The following DOCK3 variants were observed in gnomAD, a reference collection of about 807,000 sequenced individuals.
DOCK3 encodes the protein dedicator of cytokinesis 3, also known as dedicator of cytokinesis protein 3.
DOCK3 carries 60 observed loss-of-function variants against 265.6 expected under a neutral mutation model. That is an observed-to-expected ratio of 0.23 (90% confidence interval 0.18 to 0.28). The LOEUF is 0.28. DOCK3 is among the 10% of genes least tolerant of loss of function. DOCK3 has a pLI of 1.00. For synonymous variants in DOCK3, 881 were observed against 938.0 expected, an observed-to-expected ratio of 0.94 and a Z score of 1.11; for missense variants, 1,981 against 2,594.3, an observed-to-expected ratio of 0.76 and a Z score of 5.14.
At chr3:50,687,654 A>G (rs1412699575) in intron 1 of DOCK3, among the ~76,000 whole-genome samples, 1 of 152,240 alleles carries the variant, frequency 6.6e-6, no homozygotes, top group Non-Finnish European at 1.5e-5. Flanking sequence ...TGTTAAGTTC[A>G]GGCGACATTT....
chr3:50,891,248 C>G (rs2048626544), intron 4 of DOCK3, among the ~76,000 whole-genome samples: 1 of 152,066 alleles, frequency 6.6e-6, no homozygotes, highest in South Asian at 2.1e-4. Flanking sequence ...ATTGCAGCCT[C>G]ATGATTAGTC....
intron 36 of DOCK3, 86 bp from the exon 37 acceptor site, chr3:51,338,849 G>A: frequency 8.5e-7 from 1 of 1,175,356 alleles, no homozygotes; most frequent in Non-Finnish European, 1.2e-6. Flanking sequence ...CTCCTGCCCA[G>A]CACACCCACG....
At chr3:50,917,698 AT>A (rs932689339) in intron 4 of DOCK3, among the ~76,000 whole-genome samples, 26 of 149,016 alleles carry the variant, frequency 1.7e-4, no homozygotes, top group African/African-American at 5.5e-4. Flanking sequence ...TATCTCATTA[AT>A]TTTTTTCAGT....
At chr3:51,377,579 C>T (rs2088243344) in intron 51 of DOCK3, among the ~76,000 whole-genome samples, 1 of 152,180 alleles carries the variant, frequency 6.6e-6, no homozygotes, top group African/African-American at 2.4e-5. Context: ...TTGGGATCAC[C>T]CTTCTTTTCC....
At chr3:51,331,110 A>G (rs910661268) in intron 33 of DOCK3, among the ~76,000 whole-genome samples, 7 of 152,220 alleles carry the variant, frequency 4.6e-5, no homozygotes, top group Non-Finnish European at 7.3e-5. Flanking sequence ...CACTTGAGAG[A>G]TAAAGAACTG....
At chr3:50,732,160 A>G (rs754109221) in intron 1 of DOCK3, among the ~76,000 whole-genome samples, 5 of 152,096 alleles carry the variant, frequency 3.3e-5, no homozygotes, top group South Asian at 2.1e-4. Flanking sequence ...CAAACACCAC[A>G]TATATATTCA....
At chr3:51,246,880 T>C (rs2078866844) in intron 22 of DOCK3, 73 bp downstream of exon 22, 2 of 1,444,882 alleles carry the variant, frequency 1.4e-6, no homozygotes, top group Admixed American at 1.9e-5. Flanking sequence ...AGTGATACAA[T>C]GTGCAGGACA....
chr3:51,363,037 T>C (rs1000282242), intron 49 of DOCK3, among the ~76,000 whole-genome samples: 1 of 152,358 alleles, frequency 6.6e-6, no homozygotes, highest in Admixed American at 6.5e-5. Context: ...TGACAAAGTA[T>C]GAAAAGTAAA....
chr3:50,873,795 T>G (rs1342027426), intron 3 of DOCK3, among the ~76,000 whole-genome samples: 2 of 152,128 alleles, frequency 1.3e-5, no homozygotes, highest in African/African-American at 4.8e-5. Flanking sequence ...TCAGCCAAAT[T>G]TATTCTGGTT....
At chr3:51,066,033 A>G (rs1271153877) in intron 6 of DOCK3, among the ~76,000 whole-genome samples, 4 of 152,248 alleles carry the variant, frequency 2.6e-5, no homozygotes, top group African/African-American at 9.6e-5. Context: ...GTAGAATAAG[A>G]TGCCATGTAA....
At chr3:51,262,588 A>T (rs1429275777) in intron 23 of DOCK3, among the ~76,000 whole-genome samples, 1 of 152,230 alleles carries the variant, frequency 6.6e-6, no homozygotes, top group African/African-American at 2.4e-5. Context: ...TGACAGAAGT[A>T]GGCTTCAGAA....
chr3:51,045,462 G>A (rs12493359), intron 5 of DOCK3, among the ~76,000 whole-genome samples: 10,929 of 152,156 alleles, frequency 0.072, 962 homozygotes, highest in East Asian at 0.34. Context: ...GAAAACATTT[G>A]AAATATTGCA....
At chr3:51,199,801 C>G (rs1398904654) in intron 12 of DOCK3, among the ~76,000 whole-genome samples, 10 of 152,216 alleles carry the variant, frequency 6.6e-5, no homozygotes, top group Non-Finnish European at 1.0e-4. Context: ...GGCAGACTGA[C>G]ACCTCACACG....
chr3:50,975,654 C>T (rs2077418118), intron 5 of DOCK3, among the ~76,000 whole-genome samples: 1 of 152,204 alleles, frequency 6.6e-6, no homozygotes, highest in African/African-American at 2.4e-5. Flanking sequence ...ATGCTGGCCT[C>T]ATGAAATGAG....
intron 1 of DOCK3, among the ~76,000 whole-genome samples, chr3:50,777,736 A>G (rs1247122063): frequency 2.0e-5 from 3 of 152,182 alleles, no homozygotes; most frequent in African/African-American, 4.8e-5. Flanking sequence ...GGTGTATGGC[A>G]GTGCTACTGA....
chr3:50,781,074 C>T (rs547463423), intron 2 of DOCK3, among the ~76,000 whole-genome samples: 4 of 152,004 alleles, frequency 2.6e-5, no homozygotes, highest in South Asian at 2.1e-4. Context: ...TAGGTTGATT[C>T]CATATCTTGG....
At chr3:50,896,950 A>T (rs2048922355) in intron 4 of DOCK3, among the ~76,000 whole-genome samples, 1 of 152,094 alleles carries the variant, frequency 6.6e-6, no homozygotes, top group Non-Finnish European at 1.5e-5. Context: ...TTTGCTTAGG[A>T]TTGTTTTGGC....
intron 27 of DOCK3, among the ~76,000 whole-genome samples, chr3:51,296,723 G>C (rs758941470): frequency 3.3e-5 from 5 of 151,914 alleles, no homozygotes; most frequent in Non-Finnish European, 5.9e-5. Flanking sequence ...TGATCCGCCC[G>C]CCTTGGCCTC....
At chr3:51,258,527 G>A (rs886347193) in intron 22 of DOCK3, among the ~76,000 whole-genome samples, 1 of 151,656 alleles carries the variant, frequency 6.6e-6, no homozygotes, top group African/African-American at 2.4e-5. Context: ...TTTTGGAGAC[G>A]GAGTCTTGCT....
Sources: allele counts gnomAD v4.1 joint callset (sites outside exome capture counted in the v4.1 genomes callset), GRCh38; gene constraint gnomAD v4.1.1; transcripts MANE v1.5; gene names NCBI Gene and HGNC (gene_info 2026-07-23, HGNC 2026-07-21).